The following MYH3 variants were observed in gnomAD, a reference collection of about 807,000 sequenced individuals.
MYH3 encodes myosin-3.
In MYH3, 130 loss-of-function variants were observed where a neutral mutation model predicts 238.0. The observed-to-expected ratio is 0.55, with a 90% CI of 0.47 to 0.63. The LOEUF (loss-of-function observed/expected upper bound fraction) is 0.63, where lower values mean the gene tolerates loss of function less well. Among genes scored for constraint, MYH3 ranks in the 30% least tolerant of loss-of-function variants. The pLI, the probability that MYH3 is intolerant of heterozygous loss-of-function variation, is 0.00. For missense variants in MYH3, 1,853 were observed against 2,374.9 expected (o/e 0.78, Z 4.57); for synonymous variants, 880 against 924.1 (o/e 0.95, Z 0.86).
rs150652332 is a variant in MYH3 at position 10,637,922 on chromosome 17, T to C, written c.3743A>G (p.Lys1248Arg). 2 of 1,613,998 alleles carry C rather than the reference T, an allele frequency of 1.2e-6. No homozygotes were observed. Among genetic ancestry groups the C allele is most frequent in the African/African-American group, 2.7e-5 (2 of 74,896 alleles). The change falls in exon 28 of 41, where the codon AAA (lysine) becomes AGA (arginine). Residue 1248 changes from lysine to arginine, a missense_variant. Around this residue, in one of 3 missense-constraint regions of MYH3, gnomAD observed 1,044 missense variants for 1,192.6 expected, o/e 0.88. Transcript: ENST00000583535. ...SVSKSKANLE[K>R]ICRTLEDQLS... ...CTGATCCTCCAGGGTTCGGCAGATT[T>C]TTTCCAGATTTGCCTGAAGGATTCA...
intron 1 of MYH3, among the ~76,000 whole-genome samples, 196 bp from the exon 2 acceptor site, chr17:10,656,344 A>G (rs2285461): frequency 0.63 from 96,242 of 152,046 alleles, 32,279 homozygotes; most frequent in Non-Finnish European, 0.77. Flanking sequence ...TGGCCAACAT[A>G]GTGAAACCCC....
chr17:10,633,985 G>A (rs374031178), intron 32 of MYH3, 32 bp downstream of exon 32: 3 of 1,610,996 alleles, frequency 1.9e-6, no homozygotes, highest in South Asian at 1.1e-5. Flanking sequence ...AGCATGAAAG[G>A]AGGAGGTTTC....
intron 5 of MYH3, 112 bp downstream of exon 5, chr17:10,651,400 C>T: frequency 6.3e-7 from 1 of 1,584,020 alleles, no homozygotes; most frequent in Non-Finnish European, 8.7e-7. Flanking sequence ...CTTCTTCCTC[C>T]TTTCCCTGTG....
intron 5 of MYH3, 100 bp downstream of exon 5, chr17:10,651,412 T>C (rs2074373055): frequency 1.9e-6 from 3 of 1,597,186 alleles, no homozygotes; most frequent in Admixed American, 3.3e-5. Context: ...TTCCCTGTGC[T>C]AAACACCAGA....
rs1277638894 is a variant in MYH3, at chr17:10,637,933, T to A, written c.3732A>T (p.Ala1244=). Reference sequence around the variant, plus strand: ...GGGTTCGGCAGATTTTTTCCAGATTTGCCTGAAGGATTCAGAAAGGGGAGC... The same window carrying A: ...GGGTTCGGCAGATTTTTTCCAGATTAGCCTGAAGGATTCAGAAAGGGGAGC... ...SSMESVSKSK[A]NLEKICRTLE... Residue 1244 remains alanine (A), a splice_region_variant and synonymous_variant, in exon 28 of 41, where the codon GCA becomes GCT. Transcript: ENST00000583535. 1 of 1,614,130 alleles carries A rather than the reference T, an allele frequency of 6.2e-7. No homozygotes were observed. The highest frequency in any genetic ancestry group is 1.3e-5 in the African/African-American group (1 of 75,016).
Position 10,628,690 on chromosome 17 carries a change from A to C in MYH3, c.5797-11T>G. 1 of 1,614,178 alleles carries C rather than the reference A, an allele frequency of 6.2e-7. No homozygotes were observed. The highest frequency in any genetic ancestry group is 8.5e-7 in the Non-Finnish European group (1 of 1,180,016). ...CTCGTGGACCACCATCTAGGAAGAA[A>C]GTAGGCACCTGGAGTCAAGTCGGGT... is the stretch of plus-strand genomic sequence containing the variant. On this transcript the variant is annotated splice_polypyrimidine_tract_variant and intron_variant, in intron 40 of 40. Transcript: ENST00000583535.
At chr17:10,652,823 G>A (rs1004730473) in intron 3 of MYH3, among the ~76,000 whole-genome samples, 6 of 151,366 alleles carry the variant, frequency 4.0e-5, no homozygotes, top group Non-Finnish European at 5.9e-5. Context: ...GGGTTTCACC[G>A]TGTTAGCCAG....
chr17:10,664,589 CA>C, the MYH3 span, among the ~76,000 whole-genome samples: 1 of 149,216 alleles, frequency 6.7e-6, no homozygotes, highest in Non-Finnish European at 1.5e-5. Context: ...GAAAGATGAA[CA>C]AGTAATGAGT....
At chr17:10,644,225 C>T in intron 14 of MYH3, 126 bp downstream of exon 14, 1 of 986,040 alleles carries the variant, frequency 1.0e-6, no homozygotes, top group Non-Finnish European at 1.6e-6. Context: ...CTATTCCATC[C>T]ACTCTCCATC....
chr17:10,643,146 A>C, intron 14 of MYH3, 150 bp from the exon 15 acceptor site: 1 of 1,439,504 alleles, frequency 6.9e-7, no homozygotes, highest in South Asian at 1.2e-5. Flanking sequence ...CTCAGACCGC[A>C]TCTCCTCCTT....
the MYH3 span, among the ~76,000 whole-genome samples, chr17:10,663,262 T>C: frequency 2.6e-5 from 4 of 152,244 alleles, no homozygotes; most frequent in East Asian, 1.9e-4. Context: ...GAGGCAGACA[T>C]ATTCCTCCAA....
Position 10,630,303 on chromosome 17 carries a change from C to T in MYH3, c.5442G>A (p.Gln1814=). 2 of 1,614,206 alleles carry T rather than the reference C, an allele frequency of 1.2e-6. No individual in the cohort carries two copies. The highest frequency in any genetic ancestry group is 1.6e-4 in the Middle Eastern group (1 of 6,062). ...CTGCACACACCCTGGTCTCCAGTTT[C>T]TGGATCTGCTTCTTCCCGCCCTTCA... ...LALKGGKKQI[Q]KLETRIRELE... is the part of the protein sequence containing the mutation. The change falls in exon 37 of 41, where the codon CAG becomes CAA. Residue 1814 remains glutamine, a synonymous_variant. Transcript: ENST00000583535.
Position 10,637,892 on chromosome 17 carries a change from C to A in MYH3, c.3773G>T (p.Ser1258Ile), listed in dbSNP as rs768454794. 6 of 1,614,158 alleles carry A rather than the reference C, an allele frequency of 3.7e-6. No individual in the cohort carries two copies. Among genetic ancestry groups the A allele is most frequent in the Non-Finnish European group, 5.1e-6 (6 of 1,180,038 alleles). ...TTCCTCATTCTTGCCCCTGGCCTCACTTAACTGATCCTCCAGGGTTCGGCA... is the reference window on the plus strand; with the variant it reads ...TTCCTCATTCTTGCCCCTGGCCTCAATTAACTGATCCTCCAGGGTTCGGCA... ...KICRTLEDQL[S>I]EARGKNEEIQ... Residue 1258 changes from serine (S) to isoleucine (I), a missense_variant, in exon 28 of 41, where the codon AGT becomes ATT. Physicochemically the swap from Ser to Ile is moderately radical, Grantham distance 142. Transcript: ENST00000583535.
rs1489192347 is a variant in MYH3 at position 10,651,692 on chromosome 17, TGC to T, written c.349-26_349-25del. Reference sequence around the variant, plus strand: ...GTCTGTGGGAGGAAAAACATATACGTGCGTATATGTATGTATGTGCATATGGA... The same window carrying T: ...GTCTGTGGGAGGAAAAACATATACGTGTATATGTATGTATGTGCATATGGA... On this transcript the variant is annotated intron_variant, in intron 4 of 40. Coordinates refer to ENST00000583535, the MANE Select transcript of MYH3 (RefSeq NM_002470.4). The T allele has an allele frequency of 2.1e-5, 33 of 1,607,008 alleles. No homozygotes were observed. The Admixed American group carries it at 3.3e-4, about 16-fold the overall frequency.
Position 10,645,819 on chromosome 17 carries a change from G to A in MYH3, c.1029C>T (p.Thr343=). 2 of 1,613,866 alleles carry A rather than the reference G, an allele frequency of 1.2e-6. No individual in the cohort carries two copies. The highest frequency in any genetic ancestry group is 2.2e-5 in the South Asian group (2 of 91,060). The part of the protein sequence containing the change: ...TDSAIDILGF[T]PEEKSGLYKL... The stretch of plus-strand genomic sequence containing the variant: ...TGTAGAGCCCAGATTTCTCTTCTGG[G>A]GTGAAGCCCAGGATGTCAATGGCGC... The change falls in exon 12 of 41, where the codon ACC becomes ACT. Residue 343 remains threonine, a synonymous_variant. Transcript: ENST00000583535.
Position 10,640,633 on chromosome 17 carries a change from T to C in MYH3, c.2219A>G (p.Lys740Arg), listed in dbSNP as rs200621570. The C allele has an allele frequency of 6.2e-7, 1 of 1,614,266 alleles. No individual in the cohort carries two copies. Among genetic ancestry groups the C allele is most frequent in the Non-Finnish European group, 8.5e-7 (1 of 1,180,030 alleles). The change falls in exon 20 of 41, where the codon AAG (lysine) becomes AGG (arginine). Residue 740 changes from lysine to arginine, a missense_variant. Lys to Arg is a conservative substitution (Grantham distance 26). This residue lies in a region of MYH3 where 678 missense variants were observed against 1,058.9 expected (regional missense o/e 0.64). Coordinates refer to ENST00000583535, the MANE Select transcript of MYH3 (RefSeq NM_002470.4). ...TGCCAGAAGCTTTTCACAGGCTTTC[T>C]TGCTGTCAATGAATTGTCCCTCAGG... Reference protein sequence around the residue: ...AIPEGQFIDSKKACEKLLASI... With the variant: ...AIPEGQFIDSRKACEKLLASI...
At chr17:10,648,427 A>G in intron 8 of MYH3, 130 bp downstream of exon 8, 1 of 816,450 alleles carries the variant, frequency 1.2e-6, no homozygotes, top group Non-Finnish European at 2.2e-6. Flanking sequence ...TCTTTATCTG[A>G]AATGGTCTTG....
chr17:10,640,147 G>C lies in MYH3; in HGVS notation c.2531C>G (p.Ala844Gly). 6 of 1,614,114 alleles carry C rather than the reference G, an allele frequency of 3.7e-6. No homozygotes were observed. Among genetic ancestry groups the C allele is most frequent in the Non-Finnish European group, 5.1e-6 (6 of 1,180,026 alleles). ...FFKIKPLLKSAETEKEMATMK... is the reference protein window; with the variant it reads ...FFKIKPLLKSGETEKEMATMK... The stretch of plus-strand genomic sequence containing the variant: ...GGTGGCCATCTCTTTCTCAGTCTCT[G>C]CACTCTTGAGGAGGGGCTTGATCTT... The change falls in exon 22 of 41, where the codon GCA becomes GGA. Residue 844 changes from alanine (A) to glycine (G), a missense_variant. This residue lies in a region of MYH3 where 678 missense variants were observed against 1,058.9 expected (regional missense o/e 0.64). Coordinates refer to ENST00000583535, the MANE Select transcript of MYH3 (RefSeq NM_002470.4).
intron 28 of MYH3, among the ~76,000 whole-genome samples, chr17:10,637,070 T>TC (rs923386446): frequency 3.3e-5 from 5 of 151,602 alleles, no homozygotes; most frequent in Admixed American, 6.6e-5. Context: ...AAACTTTTTT[T>TC]TTTTTTGAGA....
Sources: gnomAD v4.1 joint callset for allele counts (sites outside exome capture counted in the v4.1 genomes callset) on GRCh38, gnomAD v4.1.1 for gene constraint, gnomAD v4.1.1 regional missense constraint, MANE v1.5 for transcripts, NCBI Gene and HGNC (gene_info 2026-07-23, HGNC 2026-07-21) for gene names.